Variants in SYNE2 observed in about 807,000 individuals in gnomAD.
SYNE2 encodes spectrin repeat containing nuclear envelope protein 2.
Under a neutral mutation model 856.3 loss-of-function variants are expected in SYNE2, and 431 were observed. The ratio of observed to expected loss-of-function variants is 0.50; its 90% confidence interval spans 0.47 to 0.55. SYNE2 has a LOEUF of 0.55. Ranked by LOEUF, SYNE2 falls within the 20% of genes least tolerant of loss-of-function variation. The probability of loss-of-function intolerance (pLI) is 0.00; values close to 1 mark genes in which losing one functional copy is unlikely to be tolerated. For synonymous variants in SYNE2, 2,923 were observed against 2,872.3 expected (o/e 1.02, Z -0.56); for missense variants, 8,129 against 8,023.2 (o/e 1.01, Z -0.50).
chr14:64,040,928 A>T (rs2097143650), intron 45 of SYNE2, among the ~76,000 whole-genome samples: 1 of 152,092 alleles, frequency 6.6e-6, no homozygotes, highest in African/African-American at 2.4e-5. Context: ...TACTTAAAAT[A>T]GTAAAACACC....
At chr14:63,959,289 T>TC (rs2096279588) in intron 8 of SYNE2, among the ~76,000 whole-genome samples, 2 of 84,606 alleles carry the variant, frequency 2.4e-5, no homozygotes, top group East Asian at 3.0e-4. Flanking sequence ...TTCTTCTTCT[T>TC]TTTTTTTTTT....
At chr14:64,189,102 G>A (rs2098505669) in intron 98 of SYNE2, 1 of 643,256 alleles carries the variant, frequency 1.6e-6, no homozygotes, top group African/African-American at 1.8e-5. Context: ...GGGAGGCCAA[G>A]GCGGGTGGAT....
At chr14:64,146,303 T>G in intron 84 of SYNE2, 80 bp downstream of exon 84, 1 of 1,342,270 alleles carries the variant, frequency 7.5e-7, no homozygotes, top group Middle Eastern at 1.9e-4. Flanking sequence ...GATAAGTTGC[T>G]GTAGTTTGTG....
intron 1 of SYNE2, among the ~76,000 whole-genome samples, chr14:63,894,977 A>AG (rs2095220520): frequency 6.6e-6 from 1 of 152,232 alleles, no homozygotes; most frequent in South Asian, 2.1e-4. Flanking sequence ...GGGATGCTTT[A>AG]GCATGTTGTC....
chr14:64,127,115 G>A lies in SYNE2; in HGVS notation c.13917+308G>A, dbSNP rs555336882. On this transcript the variant is annotated intron_variant, in intron 73 of 115. Coordinates refer to ENST00000555002, the MANE Select transcript of SYNE2 (RefSeq NM_182914.3). ...ATCTCTACTAAAAATACAAAAATTAGCCGGACATGGTGGTGTGTGCCTGTA... is the reference window on the plus strand; with the variant it reads ...ATCTCTACTAAAAATACAAAAATTAACCGGACATGGTGGTGTGTGCCTGTA... Among the ~76,000 whole-genome samples, 18 of 152,262 alleles carry A rather than the reference G, an allele frequency of 1.2e-4. 1 individual carries two copies. Among genetic ancestry groups the A allele is most frequent in the Admixed American group, 1.1e-3 (17 of 15,288 alleles).
At chr14:64,012,276 T>G (rs1346714616) in intron 32 of SYNE2, among the ~76,000 whole-genome samples, 1 of 152,210 alleles carries the variant, frequency 6.6e-6, no homozygotes, top group Admixed American at 6.5e-5. Context: ...TTACCACTCA[T>G]TTTTCAGCTT....
At chr14:64,102,156 G>A (rs905661585) in intron 64 of SYNE2, 114 bp downstream of exon 64, 11 of 748,468 alleles carry the variant, frequency 1.5e-5, no homozygotes, top group Middle Eastern at 3.6e-4. Context: ...TCGCTCTGTC[G>A]CCCAGACTGG....
At chr14:64,212,290 G>C (rs894416025) in intron 104 of SYNE2, among the ~76,000 whole-genome samples, 192 bp downstream of exon 104, 17 of 152,176 alleles carry the variant, frequency 1.1e-4, no homozygotes, top group African/African-American at 3.6e-4. Flanking sequence ...CAGGAGTATG[G>C]GTGTCACCAG....
intron 99 of SYNE2, chr14:64,191,150 T>G (rs1014029387): frequency 3.7e-5 from 15 of 408,986 alleles, no homozygotes; most frequent in African/African-American, 4.2e-5. Context: ...TTATTTAAAT[T>G]TATTATTTAA....
intron 31 of SYNE2, among the ~76,000 whole-genome samples, chr14:64,009,535 CAAAAAAAAAAAAAA>C (rs67434536): frequency 3.9e-5 from 3 of 77,424 alleles, no homozygotes; most frequent in African/African-American, 1.5e-4. Context: ...GACTCTGTCT[CAAAAAAAAAAAAAA>C]AAAAAAAAAA....
At chr14:64,209,904 C>G in intron 102 of SYNE2, 38 bp from the exon 103 acceptor site, 1 of 1,613,678 alleles carries the variant, frequency 6.2e-7, no homozygotes, top group Non-Finnish European at 8.5e-7. Flanking sequence ...TCCTGGCACT[C>G]TGCATGCTTT....
At chr14:64,162,393 C>T in intron 88 of SYNE2, 117 bp downstream of exon 88, 1 of 1,117,036 alleles carries the variant, frequency 9.0e-7, no homozygotes, top group Non-Finnish European at 1.3e-6. Context: ...AGGACAGGTG[C>T]TGTGAACTTG....
At chr14:63,797,590 C>T (rs1350925563) in intron 1 of SYNE2, among the ~76,000 whole-genome samples, 3 of 152,006 alleles carry the variant, frequency 2.0e-5, no homozygotes, top group Admixed American at 6.6e-5. Flanking sequence ...TACAGGCATG[C>T]GCCACCACAC....
intron 1 of SYNE2, among the ~76,000 whole-genome samples, chr14:63,786,845 C>T (rs1304714076): frequency 1.3e-5 from 2 of 152,132 alleles, no homozygotes; most frequent in Non-Finnish European, 2.9e-5. Context: ...CTCACTGCAG[C>T]CTGGACATCC....
chr14:64,152,429 T>G (rs2153704397), intron 84 of SYNE2, 135 bp from the exon 85 acceptor site: 4 of 832,512 alleles, frequency 4.8e-6, no homozygotes, highest in East Asian at 2.7e-5. Flanking sequence ...TGATTTAAAT[T>G]TCTTTGATGT....
At chr14:63,839,053 C>CG (rs1459222006) in intron 1 of SYNE2, among the ~76,000 whole-genome samples, 1 of 151,292 alleles carries the variant, frequency 6.6e-6, no homozygotes, top group Non-Finnish European at 1.5e-5. Context: ...TTTTTTTAGA[C>CG]GGGGTCTCAT....
In SYNE2 at chr14:64,214,460, C is replaced by T. The variant is rs186839881; in HGVS notation, c.19323C>T (p.Ser6441=). The T allele has an allele frequency of 1.8e-4, 287 of 1,612,588 alleles. No individual in the cohort carries two copies. Among genetic ancestry groups the T allele is most frequent in the East Asian group, 9.6e-4 (43 of 44,852 alleles). ...AGGACGAGGAGGGCCCATACTACAG[C>T]GCACTGTCAGGTAACAGCTGGGTTC... ...HEEDEEGPYY[S]ALSDVEIPEN... The change falls in exon 106 of 116, where the codon AGC becomes AGT. Residue 6441 remains serine, a synonymous_variant. Transcript: ENST00000555002.
chr14:64,141,490 T>C lies in SYNE2; in HGVS notation c.15126T>C (p.Thr5042=). Residue 5042 remains threonine, a synonymous_variant, in exon 81 of 116, where the codon ACT becomes ACC. Transcript: ENST00000555002. ...AACAAAAATGGACAATGCTCATAAC[T>C]CAACTTCCAGATATTCAAGAAAAAC... ...QFEQKWTMLI[T]QLPDIQEKLH... The C allele has an allele frequency of 1.2e-6, 2 of 1,614,060 alleles. No individual in the cohort carries two copies. The highest frequency in any genetic ancestry group is 1.1e-5 in the South Asian group (1 of 91,076).
intron 63 of SYNE2, 166 bp downstream of exon 63, chr14:64,098,987 A>G (rs1214856760): frequency 1.4e-6 from 1 of 692,972 alleles, no homozygotes; most frequent in East Asian, 2.9e-5. Context: ...GTTTAAGTGT[A>G]TGGAAACCTA....
Sources: allele counts gnomAD v4.1 joint callset (sites outside exome capture counted in the v4.1 genomes callset), GRCh38; gene constraint gnomAD v4.1.1; transcripts MANE v1.5; gene names NCBI Gene and HGNC (gene_info 2026-07-23, HGNC 2026-07-21).